NFIB: variants seen among roughly 807,000 people sequenced by gnomAD.
The protein encoded by NFIB is nuclear factor 1 B-type.
Under a neutral mutation model 61.5 loss-of-function variants are expected in NFIB, and 11 were observed. The observed-to-expected ratio is 0.18, with a 90% CI of 0.11 to 0.30. The LOEUF (loss-of-function observed/expected upper bound fraction) is 0.30. Among genes scored for constraint, NFIB ranks in the 10% least tolerant of loss-of-function variants. NFIB has a pLI of 1.00. For synonymous variants in NFIB, 260 were observed against 216.5 expected (o/e 1.20, Z -1.76); for missense variants, 471 against 608.9 (o/e 0.77, Z 2.38).
intron 1 of NFIB, among the ~76,000 whole-genome samples, chr9:14,384,684 A>C (rs2133012079): frequency 6.6e-6 from 1 of 152,248 alleles, no homozygotes; most frequent in South Asian, 2.1e-4. Context: ...GATCTCAGTC[A>C]CCTCATTGAT....
Position 14,086,572 on chromosome 9 carries a change from C to G in NFIB, c.*1737G>C, listed in dbSNP as rs370647159. 2 of 212,746 alleles carry G rather than the reference C, an allele frequency of 9.4e-6. No individual in the cohort carries two copies. Among genetic ancestry groups the G allele is most frequent in the African/African-American group, 4.5e-5 (2 of 44,058 alleles). 13.2% of individuals were successfully genotyped at this position (212,746 alleles called of 1,614,324 possible). Reference sequence around the variant, plus strand: ...CCAAAATACTGAAAATATTGCTGGTCGATTACAATTTTTAAGCGGCAACTA... The same window carrying G: ...CCAAAATACTGAAAATATTGCTGGTGGATTACAATTTTTAAGCGGCAACTA... On this transcript the variant is annotated 3_prime_UTR_variant, in exon 11 of 11. Coordinates refer to ENST00000380953, the MANE Select transcript of NFIB (RefSeq NM_001190737.2).
At chr9:14,089,154 A>G (rs2033407379) in intron 10 of NFIB, among the ~76,000 whole-genome samples, 1 of 151,960 alleles carries the variant, frequency 6.6e-6, no homozygotes, top group Non-Finnish European at 1.5e-5. Flanking sequence ...CTTCCAATTC[A>G]TGGTTCCCTA....
the NFIB span, among the ~76,000 whole-genome samples, chr9:14,502,053 T>A: frequency 6.6e-6 from 1 of 152,140 alleles, no homozygotes; most frequent in Non-Finnish European, 1.5e-5. Flanking sequence ...TAGCTATTAG[T>A]CTCTAATCTC....
chr9:14,286,413 G>A (rs1205250953), intron 2 of NFIB, among the ~76,000 whole-genome samples: 1 of 152,114 alleles, frequency 6.6e-6, no homozygotes, highest in African/African-American at 2.4e-5. Flanking sequence ...AAGCATGCTT[G>A]TATGCTTGTT....
At chr9:14,235,824 T>C (rs2089074096) in intron 2 of NFIB, among the ~76,000 whole-genome samples, 1 of 152,190 alleles carries the variant, frequency 6.6e-6, no homozygotes, top group African/African-American at 2.4e-5. Flanking sequence ...AAGGAATGCT[T>C]GTCCTTATCA....
chr9:14,377,571 G>A (rs1233423026), intron 1 of NFIB, among the ~76,000 whole-genome samples: 2 of 152,150 alleles, frequency 1.3e-5, no homozygotes, highest in African/African-American at 4.8e-5. Flanking sequence ...AAAAGACTCT[G>A]TTAAAGTAGA....
At chr9:14,196,598 C>A (rs1206909104) in intron 2 of NFIB, among the ~76,000 whole-genome samples, 1 of 151,552 alleles carries the variant, frequency 6.6e-6, no homozygotes, top group East Asian at 1.9e-4. Context: ...TTAATTGTGT[C>A]TACTCCCCAC....
chr9:14,462,738 G>T, the NFIB span, among the ~76,000 whole-genome samples: 6 of 152,132 alleles, frequency 3.9e-5, no homozygotes, highest in Non-Finnish European at 5.9e-5. Flanking sequence ...AAAGTGAGGC[G>T]TTCCTGACCA....
the NFIB span, among the ~76,000 whole-genome samples, chr9:14,418,782 G>T: frequency 4.6e-5 from 7 of 152,234 alleles, no homozygotes; most frequent in South Asian, 1.5e-3. Flanking sequence ...TGTCATAAAC[G>T]CTGGGAACAC....
chr9:14,328,623 A>G (rs2060783960), intron 1 of NFIB, among the ~76,000 whole-genome samples: 2 of 152,016 alleles, frequency 1.3e-5, no homozygotes, highest in Non-Finnish European at 2.9e-5. Flanking sequence ...GTATCTGCTT[A>G]TATGTAATAT....
At chr9:14,190,755 G>C (rs1221918936) in intron 2 of NFIB, among the ~76,000 whole-genome samples, 1 of 152,130 alleles carries the variant, frequency 6.6e-6, no homozygotes, top group African/African-American at 2.4e-5. Flanking sequence ...TTTGTAAAAA[G>C]AGAAGGTCAA....
chr9:14,189,788 T>C (rs138707188), intron 2 of NFIB, among the ~76,000 whole-genome samples: 1 of 150,466 alleles, frequency 6.6e-6, no homozygotes, highest in Non-Finnish European at 1.5e-5. Context: ...TCAATCAGTA[T>C]GTGTTGAATG....
At chr9:14,094,653 TA>T (rs1383008682) in intron 10 of NFIB, among the ~76,000 whole-genome samples, 1 of 152,106 alleles carries the variant, frequency 6.6e-6, no homozygotes, top group Non-Finnish European at 1.5e-5. Context: ...AACTGCAAAG[TA>T]CTCTTGTGGG....
At chr9:14,249,118 C>A (rs780863788) in intron 2 of NFIB, among the ~76,000 whole-genome samples, 6 of 152,216 alleles carry the variant, frequency 3.9e-5, no homozygotes, top group Non-Finnish European at 8.8e-5. Flanking sequence ...AAAAGGACCA[C>A]TGAAATAAGA....
chr9:14,116,731 C>T (rs1240000132), intron 8 of NFIB, among the ~76,000 whole-genome samples: 1 of 152,242 alleles, frequency 6.6e-6, no homozygotes, highest in Non-Finnish European at 1.5e-5. Flanking sequence ...TCCTTATTCT[C>T]TGCTCTTCAT....
intron 1 of NFIB, among the ~76,000 whole-genome samples, chr9:14,347,847 C>T (rs1320150074): frequency 1.3e-5 from 2 of 152,138 alleles, no homozygotes; most frequent in Non-Finnish European, 2.9e-5. Flanking sequence ...TAGATTCTCT[C>T]GCCGAGGGTC....
At chr9:14,462,483 T>C in the NFIB span, among the ~76,000 whole-genome samples, 9 of 152,096 alleles carry the variant, frequency 5.9e-5, no homozygotes, top group South Asian at 2.1e-4. Flanking sequence ...GGGGTTTCAC[T>C]GTGTTAGCCA....
intron 6 of NFIB, among the ~76,000 whole-genome samples, chr9:14,128,745 AGTGTC>A (rs2040028890): frequency 6.6e-6 from 1 of 151,902 alleles, no homozygotes; most frequent in East Asian, 1.9e-4. Flanking sequence ...GAAACAGAAC[AGTGTC>A]GTTCTGGGTA....
chr9:14,222,650 C>G (rs1018288556), intron 2 of NFIB, among the ~76,000 whole-genome samples: 26 of 151,790 alleles, frequency 1.7e-4, no homozygotes, highest in Admixed American at 1.4e-3. Flanking sequence ...AAAAAATTAG[C>G]CAGGCATGGT....
Sources: allele counts gnomAD v4.1 joint callset (sites outside exome capture counted in the v4.1 genomes callset), GRCh38; gene constraint gnomAD v4.1.1; transcripts MANE v1.5; gene names NCBI Gene and HGNC (gene_info 2026-07-23, HGNC 2026-07-21).